Variants in NRG3 observed in about 807,000 individuals in gnomAD.
NRG3 encodes pro-neuregulin-3, membrane-bound isoform.
Under a neutral mutation model 66.9 loss-of-function variants are expected in NRG3, and 31 were observed. The observed-to-expected ratio is 0.46, with a 90% confidence interval of 0.35 to 0.63. The LOEUF (loss-of-function observed/expected upper bound fraction) is 0.63, where lower values mean the gene tolerates loss of function less well. NRG3 is among the 20% of genes least tolerant of loss of function. The pLI, the probability that NRG3 is intolerant of heterozygous loss-of-function variation, is 0.00. For synonymous variants in NRG3, 393 were observed against 359.4 expected, an observed-to-expected ratio of 1.09 and a Z score of -1.06; for missense variants, 910 against 878.9, an observed-to-expected ratio of 1.04 and a Z score of -0.45.
chr10:82,982,305 G>C (rs912965289), intron 8 of NRG3, among the ~76,000 whole-genome samples: 8 of 152,018 alleles, frequency 5.3e-5, no homozygotes, highest in African/African-American at 1.9e-4. Context: ...ACTAATAGTT[G>C]GAATCTTTCT....
intron 1 of NRG3, among the ~76,000 whole-genome samples, chr10:82,218,204 G>A (rs564876239): frequency 2.0e-5 from 3 of 152,148 alleles, no homozygotes; most frequent in East Asian, 3.9e-4. Context: ...AACGAAATAA[G>A]GCTATTTTAT....
intron 2 of NRG3, among the ~76,000 whole-genome samples, chr10:82,578,850 G>A (rs533267615): frequency 1.3e-5 from 2 of 151,856 alleles, no homozygotes; most frequent in South Asian, 4.2e-4. Context: ...GATTTTCGAA[G>A]GTCAATAAAA....
At chr10:82,625,701 A>T (rs1200173316) in intron 2 of NRG3, among the ~76,000 whole-genome samples, 1 of 152,090 alleles carries the variant, frequency 6.6e-6, no homozygotes, top group South Asian at 2.1e-4. Flanking sequence ...TTTCTCCTCA[A>T]TCTTATCTGA....
At chr10:82,691,736 T>G (rs1439484127) in intron 2 of NRG3, among the ~76,000 whole-genome samples, 1 of 152,190 alleles carries the variant, frequency 6.6e-6, no homozygotes, top group Non-Finnish European at 1.5e-5. Context: ...ACTTGCACTG[T>G]CTTGTTTAAT....
Position 82,721,178 on chromosome 10 carries a change from C to A in NRG3, c.954-17399C>A, listed in dbSNP as rs2057296155. On this transcript the variant is annotated intron_variant, in intron 2 of 8. Coordinates refer to ENST00000372141, the MANE Select transcript of NRG3 (RefSeq NM_001010848.4). ...ATGGAGTCTCCCTCTGTCACCCAGG[C>A]TGGAGTGCAGTAGCGTGATCTCCGC... 2.7e-5 allele frequency among the ~76,000 whole-genome samples: 3 copies of A among 109,358 alleles called. No individual in the cohort carries two copies. In the South Asian group the frequency reaches 1.0e-3, roughly 36 times the overall value. 71.7% of individuals were successfully genotyped at this position (109,358 alleles called of 152,430 possible). A position where few individuals can be genotyped will look rare whatever the true frequency, so the allele number is the denominator to read the frequency against.
intron 3 of NRG3, among the ~76,000 whole-genome samples, chr10:82,768,081 C>T (rs1040717783): frequency 2.0e-5 from 3 of 152,120 alleles, no homozygotes; most frequent in Non-Finnish European, 2.9e-5. Flanking sequence ...AACAGATGGC[C>T]TTCCAGGCTC....
chr10:82,344,943 A>T (rs1483945374), intron 1 of NRG3, among the ~76,000 whole-genome samples: 6 of 112,770 alleles, frequency 5.3e-5, no homozygotes, highest in African/African-American at 3.1e-4. Flanking sequence ...GTTTGAGTTC[A>T]TTGTAGATTC....
chr10:81,908,760 G>C (rs1184353107), intron 1 of NRG3, among the ~76,000 whole-genome samples: 1 of 152,188 alleles, frequency 6.6e-6, no homozygotes, highest in Non-Finnish European at 1.5e-5. Context: ...AGACAGCATG[G>C]TTTGAGCACT....
chr10:81,903,783 T>A (rs990404436), intron 1 of NRG3, among the ~76,000 whole-genome samples: 13 of 152,172 alleles, frequency 8.5e-5, no homozygotes, highest in Admixed American at 2.6e-4. Flanking sequence ...CATGTTCAAC[T>A]GTTTTGTGTT....
chr10:82,092,146 G>T (rs1392605631), intron 1 of NRG3, among the ~76,000 whole-genome samples: 1 of 152,054 alleles, frequency 6.6e-6, no homozygotes, highest in East Asian at 1.9e-4. Flanking sequence ...AGACTATGAA[G>T]GTGCCTTTAT....
At chr10:82,216,378 T>A (rs569947959) in intron 1 of NRG3, among the ~76,000 whole-genome samples, 1 of 151,976 alleles carries the variant, frequency 6.6e-6, no homozygotes, top group African/African-American at 2.4e-5. Context: ...CCTTGCAATT[T>A]GATATATACT....
At chr10:82,078,225 C>T (rs2065199770) in intron 1 of NRG3, among the ~76,000 whole-genome samples, 1 of 152,186 alleles carries the variant, frequency 6.6e-6, no homozygotes, top group Non-Finnish European at 1.5e-5. Context: ...CAATGATCTA[C>T]ATCCTAATAG....
intron 3 of NRG3, among the ~76,000 whole-genome samples, chr10:82,849,095 G>T (rs1420854679): frequency 1.3e-5 from 2 of 152,148 alleles, no homozygotes; most frequent in Non-Finnish European, 2.9e-5. Context: ...AGTTACAATG[G>T]GGTCTTTAGC....
intron 2 of NRG3, among the ~76,000 whole-genome samples, chr10:82,515,163 A>G (rs192791718): frequency 6.6e-6 from 1 of 152,316 alleles, no homozygotes; most frequent in East Asian, 1.9e-4. Flanking sequence ...TGAAAACTAT[A>G]TGATGTAAGT....
At chr10:82,920,721 AAAAAATGAC>A (rs1846344890) in intron 4 of NRG3, among the ~76,000 whole-genome samples, 1 of 152,112 alleles carries the variant, frequency 6.6e-6, no homozygotes, top group South Asian at 2.1e-4. Flanking sequence ...AAAAATGCTA[AAAAAATGAC>A]AATGATATGG....
At chr10:82,748,000 A>G (rs1222944385) in intron 3 of NRG3, among the ~76,000 whole-genome samples, 4 of 151,310 alleles carry the variant, frequency 2.6e-5, no homozygotes, top group African/African-American at 4.8e-5. Context: ...AATTTTTCCA[A>G]CAGAATTTAT....
At chr10:82,238,493 A>C (rs979752602) in intron 1 of NRG3, among the ~76,000 whole-genome samples, 1 of 152,190 alleles carries the variant, frequency 6.6e-6, no homozygotes, top group African/African-American at 2.4e-5. Context: ...TAAGGATTTG[A>C]TTGCAAGTTT....
At chr10:82,121,316 A>G (rs540869073) in intron 1 of NRG3, among the ~76,000 whole-genome samples, 1 of 152,310 alleles carries the variant, frequency 6.6e-6, no homozygotes, top group African/African-American at 2.4e-5. Flanking sequence ...GGGATGGGGC[A>G]TAGACTAAGG....
At chr10:82,537,053 ACTGAAAAT>A (rs1287330169) in intron 2 of NRG3, among the ~76,000 whole-genome samples, 1 of 152,024 alleles carries the variant, frequency 6.6e-6, no homozygotes, top group Non-Finnish European at 1.5e-5. Context: ...ACAGCATGAC[ACTGAAAAT>A]CTTCTGAGTT....
Sources: gnomAD v4.1 joint callset for allele counts (sites outside exome capture counted in the v4.1 genomes callset) on GRCh38, gnomAD v4.1.1 for gene constraint, MANE v1.5 for transcripts, NCBI Gene and HGNC (gene_info 2026-07-23, HGNC 2026-07-21) for gene names.